ANKRD17: variants seen among roughly 807,000 people sequenced by gnomAD.
The protein encoded by ANKRD17 is ankyrin repeat domain-containing protein 17.
In ANKRD17, 19 loss-of-function variants were observed where a neutral mutation model predicts 229.7. The observed-to-expected ratio is 0.08, with a 90% confidence interval of 0.06 to 0.12. The LOEUF is 0.12. Ranked by LOEUF, ANKRD17 falls within the 10% of genes least tolerant of loss-of-function variation. The pLI is 1.00. For synonymous variants in ANKRD17, 1,112 were observed against 1,146.1 expected (o/e 0.97, Z 0.60); for missense variants, 2,176 against 3,176.8 (o/e 0.68, Z 7.57).
At chr4:73,195,520 TTTTCTTTGAGA>T (rs1737734221) in intron 1 of ANKRD17, among the ~76,000 whole-genome samples, 1 of 152,092 alleles carries the variant, frequency 6.6e-6, no homozygotes, top group Non-Finnish European at 1.5e-5. Context: ...AAGATTTTTT[TTTTCTTTGAGA>T]CAGAGTCTCA....
At chr4:73,184,528 C>CAAAAAAAAAAAAAAAAAAAAAAAAAAAA in intron 1 of ANKRD17, among the ~76,000 whole-genome samples, 1 of 29,974 alleles carries the variant, frequency 3.3e-5, no homozygotes, top group Non-Finnish European at 6.5e-5. Flanking sequence ...GACTTCCTCT[C>CAAAAAAAAAAAAAAAAAAAAAAAAAAAA]AAAAAAAAAA....
chr4:73,135,304 ATTG>A, intron 15 of ANKRD17, 39 bp from the exon 16 acceptor site: 1 of 1,581,604 alleles, frequency 6.3e-7, no homozygotes, highest in Non-Finnish European at 8.6e-7. Context: ...AGGATGAAAC[ATTG>A]TTAAGTAATA....
chr4:73,186,893 AT>A (rs1229549183), intron 1 of ANKRD17, among the ~76,000 whole-genome samples: 1 of 152,164 alleles, frequency 6.6e-6, no homozygotes, highest in Non-Finnish European at 1.5e-5. Context: ...AGGAATTATC[AT>A]TTATCAATTA....
intron 15 of ANKRD17, 52 bp downstream of exon 15, chr4:73,139,479 C>G: frequency 6.5e-7 from 1 of 1,534,414 alleles, no homozygotes; most frequent in East Asian, 2.3e-5. Context: ...TACATTCTTA[C>G]TCGCCTTAAG....
intron 14 of ANKRD17, among the ~76,000 whole-genome samples, chr4:73,140,670 T>G (rs754158916): frequency 6.6e-6 from 1 of 152,186 alleles, no homozygotes; most frequent in African/African-American, 2.4e-5. Context: ...ATTATTAGGG[T>G]GAAGAGGAAA....
intron 1 of ANKRD17, among the ~76,000 whole-genome samples, chr4:73,220,345 T>A (rs776275622): frequency 3.9e-5 from 6 of 152,114 alleles, no homozygotes; most frequent in Non-Finnish European, 8.8e-5. Flanking sequence ...TGCCTTTGGT[T>A]TGGAGAAGAA....
At chr4:73,177,210 A>C (rs1734848391) in intron 2 of ANKRD17, among the ~76,000 whole-genome samples, 170 bp downstream of exon 2, 1 of 152,262 alleles carries the variant, frequency 6.6e-6, no homozygotes, top group Non-Finnish European at 1.5e-5. Context: ...GAAAATTACA[A>C]TATGCTTTAG....
In ANKRD17 at chr4:73,118,857, A is replaced by G. The variant is rs541744018; in HGVS notation, c.4026-7T>C. ...TACATCAATATGAGCTCCCCTAAAA[A>G]CCAATGACACAGATAGCATTGTCTT... On this transcript the variant is annotated splice_polypyrimidine_tract_variant and splice_region_variant and intron_variant, in intron 21 of 33. Transcript: ENST00000358602. 5 of 1,577,468 alleles carry G rather than the reference A, an allele frequency of 3.2e-6. No individual in the cohort carries two copies. The highest frequency in any genetic ancestry group is 1.7e-4 in the Middle Eastern group (1 of 5,920).
At chr4:73,150,939 AT>A (rs1730924271) in intron 7 of ANKRD17, among the ~76,000 whole-genome samples, 1 of 152,152 alleles carries the variant, frequency 6.6e-6, no homozygotes, top group Non-Finnish European at 1.5e-5. Flanking sequence ...CTACTTTTAA[AT>A]TTTTGTTTAG....
intron 16 of ANKRD17, among the ~76,000 whole-genome samples, chr4:73,130,805 G>C (rs1460373595): frequency 6.6e-6 from 1 of 151,964 alleles, no homozygotes; most frequent in African/African-American, 2.4e-5. Flanking sequence ...GTGGCTCCTA[G>C]AATCGATCAT....
intron 29 of ANKRD17, among the ~76,000 whole-genome samples, chr4:73,090,430 A>C (rs1403782621): frequency 1.3e-5 from 2 of 152,182 alleles, no homozygotes; most frequent in Admixed American, 1.3e-4. Context: ...CAAACAAAAA[A>C]ACCCCGCCTG....
intron 18 of ANKRD17, among the ~76,000 whole-genome samples, chr4:73,123,746 A>C (rs752731296): frequency 3.9e-5 from 6 of 151,946 alleles, no homozygotes; most frequent in Non-Finnish European, 8.8e-5. Flanking sequence ...TATTTTAAAA[A>C]TCTAGTGGGT....
rs1344187590 is a variant in ANKRD17, at chr4:73,074,103, T to A, written c.*2128A>T. 6.6e-6 allele frequency: 1 copy of A among 151,966 alleles called. No homozygotes were observed. Among genetic ancestry groups the A allele is most frequent in the Non-Finnish European group, 1.5e-5 (1 of 67,882 alleles). The allele number at this position is 151,966 out of a possible 1,614,324, so 9.4% of individuals were successfully genotyped here. On this transcript the variant is annotated 3_prime_UTR_variant, in exon 34 of 34. Transcript: ENST00000358602. ...ATGGTATTGTACTAAACAAGCCTGA[T>A]CCCCAAGACTAAATACGGAGCATTT...
At chr4:73,204,376 A>G (rs1179278655) in intron 1 of ANKRD17, among the ~76,000 whole-genome samples, 10 of 150,022 alleles carry the variant, frequency 6.7e-5, no homozygotes, top group East Asian at 1.9e-4. Context: ...AAAAAAAAAA[A>G]AAAGAAAAGA....
At chr4:73,256,116 G>A (rs1311553078) in intron 1 of ANKRD17, among the ~76,000 whole-genome samples, 2 of 152,164 alleles carry the variant, frequency 1.3e-5, no homozygotes, top group East Asian at 1.9e-4. Flanking sequence ...ACAGGATAAG[G>A]TATGTTAAAA....
intron 24 of ANKRD17, among the ~76,000 whole-genome samples, chr4:73,106,639 G>T (rs961233645): frequency 6.6e-6 from 1 of 152,108 alleles, no homozygotes; most frequent in Non-Finnish European, 1.5e-5. Flanking sequence ...CCAGCACTTT[G>T]GGAGGCCAAG....
intron 1 of ANKRD17, among the ~76,000 whole-genome samples, chr4:73,205,806 T>C (rs1739362201): frequency 6.6e-6 from 1 of 152,120 alleles, no homozygotes; most frequent in South Asian, 2.1e-4. Context: ...AGGAGATAAA[T>C]CTATGAAATG....
intron 1 of ANKRD17, among the ~76,000 whole-genome samples, chr4:73,229,511 C>T (rs375679802): frequency 6.6e-6 from 1 of 151,804 alleles, no homozygotes. Flanking sequence ...ATCAAAGTTA[C>T]ACCTCCTCTC....
At position 73,170,831 on chromosome 4, in the gene ANKRD17, T is replaced by C. The variant is rs112466385; in HGVS notation, c.547+6549A>G. On this transcript the variant is annotated intron_variant, in intron 2 of 33. Transcript: ENST00000358602. Reference sequence around the variant, plus strand: ...GTGGGAAGGACTGTATATCGTGGTTTGAGTGCCAGCAAAGATACAGTACAA... The same window carrying C: ...GTGGGAAGGACTGTATATCGTGGTTCGAGTGCCAGCAAAGATACAGTACAA... Among the ~76,000 whole-genome samples, 288 of 152,248 alleles carry C rather than the reference T, an allele frequency of 1.9e-3. 1 individual carries two copies. Among genetic ancestry groups the C allele is most frequent in the African/African-American group, 6.6e-3 (276 of 41,524 alleles).
Sources: allele counts gnomAD v4.1 joint callset (sites outside exome capture counted in the v4.1 genomes callset), GRCh38; gene constraint gnomAD v4.1.1; transcripts MANE v1.5; gene names NCBI Gene and HGNC (gene_info 2026-07-23, HGNC 2026-07-21).